AP3S1: variants seen among roughly 807,000 people sequenced by gnomAD.
AP3S1 encodes the protein adaptor related protein complex 3 subunit sigma 1.
AP3S1 carries 12 observed loss-of-function variants against 21.3 expected under a neutral mutation model. That is an observed-to-expected ratio of 0.56 (90% CI 0.36 to 0.91). The LOEUF (loss-of-function observed/expected upper bound fraction) is 0.91, where lower values mean the gene tolerates loss of function less well. AP3S1 is among the 40% of genes least tolerant of loss of function. The pLI, the probability that AP3S1 is intolerant of heterozygous loss-of-function variation, is 0.01. For synonymous variants in AP3S1, 48 were observed against 78.4 expected (o/e 0.61, Z 2.05); for missense variants, 116 against 225.0 (o/e 0.52, Z 3.10).
chr5:115,894,056 A>G (rs1466311432), intron 3 of AP3S1, among the ~76,000 whole-genome samples: 3 of 152,192 alleles, frequency 2.0e-5, no homozygotes, highest in Non-Finnish European at 2.9e-5. Context: ...ACTGGGATGC[A>G]CTGGACTCAG....
chr5:115,907,222 C>T lies in AP3S1; in HGVS notation c.453+4230C>T, dbSNP rs148606220. Among the ~76,000 whole-genome samples, 575 of 152,216 alleles carry T rather than the reference C, an allele frequency of 3.8e-3. 2 individuals carry two copies. Among genetic ancestry groups the T allele is most frequent in the African/African-American group, 0.013 (549 of 41,554 alleles). On this transcript the variant is annotated intron_variant, in intron 5 of 5. Coordinates refer to ENST00000316788, the MANE Select transcript of AP3S1 (RefSeq NM_001284.4). The stretch of plus-strand genomic sequence containing the variant: ...TTATTTTGAGCATCATATAGCAGAA[C>T]CAATCTTAATTTAACTCTCACAGAT...
chr5:115,867,011 A>T (rs953286099), intron 2 of AP3S1, among the ~76,000 whole-genome samples: 2 of 152,136 alleles, frequency 1.3e-5, no homozygotes, highest in African/African-American at 4.8e-5. Flanking sequence ...AAATTCCAAC[A>T]TTACAGGGAA....
chr5:115,871,686 A>G (rs1276005881), intron 3 of AP3S1, among the ~76,000 whole-genome samples: 4 of 149,686 alleles, frequency 2.7e-5, no homozygotes, highest in Non-Finnish European at 4.5e-5. Context: ...TACCTAGAGG[A>G]AAAAAAAAAG....
intron 2 of AP3S1, among the ~76,000 whole-genome samples, chr5:115,869,102 T>G (rs1240733695): frequency 3.3e-5 from 5 of 152,198 alleles, no homozygotes; most frequent in African/African-American, 9.7e-5. Flanking sequence ...GAATTCATTA[T>G]TGTAAACTTA....
intron 5 of AP3S1, among the ~76,000 whole-genome samples, chr5:115,909,242 A>G (rs1751907915): frequency 6.6e-6 from 1 of 152,174 alleles, no homozygotes; most frequent in African/African-American, 2.4e-5. Context: ...TTCGAAATAC[A>G]TTTTAGTAAT....
intron 1 of AP3S1, among the ~76,000 whole-genome samples, chr5:115,861,869 T>C (rs991212993): frequency 5.5e-4 from 80 of 144,580 alleles, no homozygotes; most frequent in African/African-American, 1.7e-3. Context: ...TCTTTTCTTT[T>C]TTTTTTTTTT....
chr5:115,898,263 C>G (rs1159131038), intron 4 of AP3S1, among the ~76,000 whole-genome samples: 1 of 152,188 alleles, frequency 6.6e-6, no homozygotes, highest in Non-Finnish European at 1.5e-5. Flanking sequence ...CAGTAACTTT[C>G]CAGCCTCCAA....
At chr5:115,869,290 T>C (rs1282180157) in intron 2 of AP3S1, among the ~76,000 whole-genome samples, 2 of 152,222 alleles carry the variant, frequency 1.3e-5, no homozygotes, top group Non-Finnish European at 2.9e-5. Flanking sequence ...GAAGAGATCT[T>C]GACGGTAAAT....
intron 2 of AP3S1, among the ~76,000 whole-genome samples, chr5:115,869,793 A>G (rs1045128544): frequency 1.3e-5 from 2 of 152,218 alleles, no homozygotes; most frequent in Non-Finnish European, 2.9e-5. Context: ...AGTTTAATGA[A>G]TGAATGAACT....
At chr5:115,891,692 G>C (rs547600075) in intron 3 of AP3S1, among the ~76,000 whole-genome samples, 1 of 152,134 alleles carries the variant, frequency 6.6e-6, no homozygotes, top group Non-Finnish European at 1.5e-5. Flanking sequence ...CTGCCTCGTG[G>C]AGTTATGAGA....
chr5:115,871,786 G>C (rs145944069), intron 3 of AP3S1, among the ~76,000 whole-genome samples: 1 of 151,852 alleles, frequency 6.6e-6, no homozygotes, highest in Admixed American at 6.6e-5. Flanking sequence ...CTGTTTCCCC[G>C]GTCCATTTAC....
At chr5:115,902,218 T>C (rs1222423188) in intron 4 of AP3S1, among the ~76,000 whole-genome samples, 1 of 152,226 alleles carries the variant, frequency 6.6e-6, no homozygotes, top group East Asian at 1.9e-4. Flanking sequence ...AATTCAGTTC[T>C]GAATTGTTGA....
intron 5 of AP3S1, among the ~76,000 whole-genome samples, chr5:115,907,688 A>G (rs192192045): frequency 5.5e-4 from 83 of 152,276 alleles, no homozygotes; most frequent in Non-Finnish European, 9.4e-4. Flanking sequence ...AAAACCCTGA[A>G]TATTTTTGCA....
chr5:115,900,622 C>T (rs569540078), intron 4 of AP3S1, among the ~76,000 whole-genome samples: 2 of 152,266 alleles, frequency 1.3e-5, no homozygotes, highest in East Asian at 3.9e-4. Context: ...ATGGCCTTTT[C>T]AATGAACAGA....
intron 1 of AP3S1, among the ~76,000 whole-genome samples, chr5:115,866,430 A>G (rs937524399): frequency 1.3e-5 from 2 of 152,098 alleles, no homozygotes; most frequent in African/African-American, 4.8e-5. Flanking sequence ...TTGGTTTTTG[A>G]AACTTAGAAA....
chr5:115,894,926 C>T (rs904808453), intron 3 of AP3S1, among the ~76,000 whole-genome samples, 161 bp from the exon 4 acceptor site: 1 of 152,028 alleles, frequency 6.6e-6, no homozygotes, highest in Non-Finnish European at 1.5e-5. Flanking sequence ...TGGTAGGACT[C>T]TATTCTTTTT....
intron 3 of AP3S1, among the ~76,000 whole-genome samples, chr5:115,884,079 ATGTTTATCACTT>A (rs1365685817): frequency 1.3e-5 from 2 of 152,178 alleles, no homozygotes; most frequent in Non-Finnish European, 2.9e-5. Context: ...TATAGAAACC[ATGTTTATCACTT>A]TGCACAGTTC....
chr5:115,849,371 A>T (rs1239787147), intron 1 of AP3S1, among the ~76,000 whole-genome samples: 1 of 152,212 alleles, frequency 6.6e-6, no homozygotes, highest in Non-Finnish European at 1.5e-5. Flanking sequence ...AAGAATATGA[A>T]AACAGTAAAG....
At position 115,913,980 on chromosome 5, in the gene AP3S1, C is replaced by T. The variant is rs1752316410; in HGVS notation, c.*490C>T. 1 of 152,636 alleles carries T rather than the reference C, an allele frequency of 6.6e-6. No homozygotes were observed. The highest frequency in any genetic ancestry group is 1.5e-5 in the Non-Finnish European group (1 of 68,026). 9.5% of individuals were successfully genotyped at this position (152,636 alleles called of 1,614,324 possible). ...AATAAACTCCAAGGTAACTGGACTT[C>T]TAAAGCACCTTTCTGTTTGCCTGAT... On this transcript the variant is annotated 3_prime_UTR_variant, in exon 6 of 6. Coordinates refer to ENST00000316788, the MANE Select transcript of AP3S1 (RefSeq NM_001284.4).
Sources: allele counts gnomAD v4.1 joint callset (sites outside exome capture counted in the v4.1 genomes callset), GRCh38; gene constraint gnomAD v4.1.1; transcripts MANE v1.5; gene names NCBI Gene and HGNC (gene_info 2026-07-23, HGNC 2026-07-21).